The following KLF7 variants were observed in gnomAD, a reference collection of about 807,000 sequenced individuals.
KLF7 encodes the protein KLF transcription factor 7, also known as Krueppel-like factor 7.
In KLF7, 2 loss-of-function variants were observed where a neutral mutation model predicts 27.3. That is an observed-to-expected ratio of 0.07 (90% confidence interval 0.03 to 0.23). The LOEUF is 0.23. KLF7 is among the 10% of genes least tolerant of loss of function. KLF7 has a pLI of 1.00. For synonymous variants in KLF7, 165 were observed against 162.4 expected (o/e 1.02, Z -0.12); for missense variants, 221 against 394.1 (o/e 0.56, Z 3.72).
chr2:207,165,771 G>A lies in KLF7; in HGVS notation c.-203C>T. ...GAGGAGGTGAGAGAGGAGCGAGTGA[G>A]TGGGGTGGATGGAGAGAGGCATCCA... On this transcript the variant is annotated 5_prime_UTR_variant, in exon 1 of 4. Coordinates refer to ENST00000309446, the MANE Select transcript of KLF7 (RefSeq NM_003709.4). 3.5e-6 allele frequency: 5 copies of A among 1,432,342 alleles called. No individual in the cohort carries two copies. The highest frequency in any genetic ancestry group is 4.6e-6 in the Non-Finnish European group (5 of 1,098,880). The allele number at this position is 1,432,342 out of a possible 1,614,324, so 88.7% of individuals were successfully genotyped here. A position where few individuals can be genotyped will look rare whatever the true frequency, so the allele number is the denominator to read the frequency against.
intron 2 of KLF7, among the ~76,000 whole-genome samples, chr2:207,117,861 C>A (rs2287503): frequency 0.18 from 26,686 of 152,156 alleles, 2,504 homozygotes; most frequent in East Asian, 0.22. Context: ...CTGACTGCTG[C>A]TGCAAGCCCC....
At chr2:207,143,683 T>C (rs1263670) in intron 1 of KLF7, among the ~76,000 whole-genome samples, 151,875 of 152,314 alleles carry the variant, frequency 1, 75,720 homozygotes, top group Middle Eastern at 1. Flanking sequence ...GATTTGGCTA[T>C]GGAGCTACTG....
At chr2:207,165,990 AT>A (rs1244446638), upstream of KLF7, 17 of 992,008 alleles carry the variant, frequency 1.7e-5, no homozygotes, top group Non-Finnish European at 2.0e-5. Flanking sequence ...GGGAGGTTGC[AT>A]TTTTTTCTCT....
intron 2 of KLF7, among the ~76,000 whole-genome samples, chr2:207,115,189 A>AAG (rs1553527217): frequency 3.3e-5 from 5 of 150,962 alleles, no homozygotes; most frequent in African/African-American, 1.2e-4. Flanking sequence ...AAAAAAAAAA[A>AAG]GGGGGGGTAT....
the KLF7 span, among the ~76,000 whole-genome samples, chr2:207,173,366 T>C: frequency 3.3e-5 from 5 of 152,206 alleles, no homozygotes; most frequent in African/African-American, 1.2e-4. Context: ...GCAGTACTAT[T>C]GCTATTGTCA....
intron 1 of KLF7, among the ~76,000 whole-genome samples, chr2:207,130,103 T>C (rs145201538): frequency 9.5e-4 from 144 of 151,708 alleles, no homozygotes; most frequent in African/African-American, 3.3e-3. Flanking sequence ...TCCTGTCACA[T>C]TGACTATTTC....
At chr2:207,135,187 G>T (rs572511525) in intron 1 of KLF7, among the ~76,000 whole-genome samples, 2 of 152,078 alleles carry the variant, frequency 1.3e-5, no homozygotes, top group South Asian at 2.1e-4. Context: ...GAACTTCCAG[G>T]GGCCCACTAA....
intron 2 of KLF7, among the ~76,000 whole-genome samples, chr2:207,095,355 G>A (rs1263614): frequency 0.82 from 124,558 of 152,180 alleles, 51,620 homozygotes; most frequent in African/African-American, 0.9. Flanking sequence ...GCCTGTTTTT[G>A]TTCTTAAAAC....
chr2:207,172,210 C>T (rs1305898988), upstream of KLF7, among the ~76,000 whole-genome samples: 2 of 152,188 alleles, frequency 1.3e-5, no homozygotes, highest in Non-Finnish European at 2.9e-5. Context: ...TCTCTGACCT[C>T]CTCCCTTTTG....
intron 1 of KLF7, among the ~76,000 whole-genome samples, chr2:207,148,477 G>A (rs2078157734): frequency 6.6e-6 from 1 of 152,152 alleles, no homozygotes; most frequent in South Asian, 2.1e-4. Flanking sequence ...TTGAATGGAT[G>A]TATAAAGACA....
intron 2 of KLF7, among the ~76,000 whole-genome samples, chr2:207,117,153 A>G (rs2077209705): frequency 6.6e-6 from 1 of 152,234 alleles, no homozygotes; most frequent in Non-Finnish European, 1.5e-5. Context: ...CACAAAGCCT[A>G]TATTTATTAT....
intron 2 of KLF7, 101 bp downstream of exon 2, chr2:207,123,673 C>G: frequency 7.6e-7 from 1 of 1,316,492 alleles, no homozygotes. Context: ...ACCTCCTCAT[C>G]AGCAGGGGTG....
intron 1 of KLF7, among the ~76,000 whole-genome samples, chr2:207,164,185 T>C (rs2078631593): frequency 6.6e-6 from 1 of 152,018 alleles, no homozygotes; most frequent in African/African-American, 2.4e-5. Flanking sequence ...GCAGAGACTG[T>C]TACATCTCAG....
At chr2:207,113,104 C>A (rs1177180094) in intron 2 of KLF7, among the ~76,000 whole-genome samples, 2 of 152,214 alleles carry the variant, frequency 1.3e-5, no homozygotes, top group African/African-American at 4.8e-5. Context: ...AGAATGGCTA[C>A]ACAATAATTT....
chr2:207,123,197 A>G (rs999193255), intron 2 of KLF7, among the ~76,000 whole-genome samples: 13 of 152,128 alleles, frequency 8.5e-5, no homozygotes, highest in Non-Finnish European at 1.8e-4. Flanking sequence ...AGCTCATTAA[A>G]AAGCAATTCT....
chr2:207,137,904 T>C (rs369953851), intron 1 of KLF7, among the ~76,000 whole-genome samples: 14 of 152,130 alleles, frequency 9.2e-5, no homozygotes, highest in Middle Eastern at 3.2e-3. Flanking sequence ...AAAGTAAAAT[T>C]GTGCTTTGCC....
chr2:207,144,163 G>C (rs1462443204), intron 1 of KLF7, among the ~76,000 whole-genome samples: 4 of 98,878 alleles, frequency 4.0e-5, no homozygotes, highest in African/African-American at 1.9e-4. Context: ...TCACAGCGGG[G>C]GGGAGAAAAA....
chr2:207,158,767 C>T (rs2078459975), intron 1 of KLF7, among the ~76,000 whole-genome samples: 2 of 152,096 alleles, frequency 1.3e-5, no homozygotes, highest in Admixed American at 6.5e-5. Context: ...TAGAACCTAG[C>T]CAATCCCAAA....
At chr2:207,117,000 T>C (rs569624051) in intron 2 of KLF7, among the ~76,000 whole-genome samples, 1 of 152,332 alleles carries the variant, frequency 6.6e-6, no homozygotes, top group East Asian at 1.9e-4. Context: ...CTAGTGTATG[T>C]ACAGTGGGTG....
Sources: gnomAD v4.1 joint callset for allele counts (sites outside exome capture counted in the v4.1 genomes callset) on GRCh38, gnomAD v4.1.1 for gene constraint, MANE v1.5 for transcripts, NCBI Gene and HGNC (gene_info 2026-07-23, HGNC 2026-07-21) for gene names.